The following LMO7 variants were observed in gnomAD, a reference collection of about 807,000 sequenced individuals.
LMO7 encodes the protein LIM domain 7, also known as LIM domain only protein 7.
A neutral mutation model predicts 206.5 loss-of-function variants in LMO7; 120 were observed. That is an observed-to-expected ratio of 0.58 (90% CI 0.50 to 0.68). LMO7 has a LOEUF of 0.68. Among genes scored for constraint, LMO7 ranks in the 30% least tolerant of loss-of-function variants. The probability of loss-of-function intolerance (pLI) is 0.00; values close to 1 mark genes in which losing one functional copy is unlikely to be tolerated. For missense variants in LMO7, 1,959 were observed against 1,957.9 expected (o/e 1.00, Z -0.01); for synonymous variants, 706 against 681.5 (o/e 1.04, Z -0.56).
chr13:75,675,546 TTTTG>T (rs751327232), intron 1 of LMO7, among the ~76,000 whole-genome samples: 1 of 152,218 alleles, frequency 6.6e-6, no homozygotes, highest in Non-Finnish European at 1.5e-5. Context: ...CCTCTTAGCA[TTTTG>T]TTTGTTTTGT....
chr13:75,626,197 TC>T (rs2034047824), intron 2 of LMO7, among the ~76,000 whole-genome samples: 1 of 152,100 alleles, frequency 6.6e-6, no homozygotes. Flanking sequence ...AAACATGAGA[TC>T]TACTGTATTA....
At chr13:75,799,708 G>A (rs2054494387) in intron 6 of LMO7, among the ~76,000 whole-genome samples, 1 of 152,088 alleles carries the variant, frequency 6.6e-6, no homozygotes, top group Non-Finnish European at 1.5e-5. Flanking sequence ...TCATCTGAAA[G>A]TAACATTTCT....
chr13:75,772,783 G>T (rs940899288), intron 4 of LMO7, among the ~76,000 whole-genome samples: 10 of 152,092 alleles, frequency 6.6e-5, no homozygotes, highest in Admixed American at 2.6e-4. Flanking sequence ...GAAGCTATGG[G>T]TAAGAATGTA....
chr13:75,682,773 C>T (rs1304533528), intron 1 of LMO7, among the ~76,000 whole-genome samples: 1 of 152,252 alleles, frequency 6.6e-6, no homozygotes, highest in Non-Finnish European at 1.5e-5. Flanking sequence ...AAAAGCAACG[C>T]ATGTCATATG....
intron 1 of LMO7, among the ~76,000 whole-genome samples, chr13:75,649,405 A>C (rs1031146521): frequency 6.6e-6 from 1 of 152,198 alleles, no homozygotes; most frequent in African/African-American, 2.4e-5. Flanking sequence ...GGAAGCACTG[A>C]TTTTATGAAA....
In LMO7 at chr13:75,842,906, C is replaced by A; in HGVS notation, c.4087C>A (p.Pro1363Thr). The A allele has an allele frequency of 6.3e-7, 1 of 1,595,938 alleles. No individual in the cohort carries two copies. The highest frequency in any genetic ancestry group is 8.6e-7 in the Non-Finnish European group (1 of 1,163,998). Residue 1363 changes from proline to threonine, a missense_variant, in exon 25 of 31, where the codon CCT (proline) becomes ACT (threonine). Transcript: ENST00000377534. ...AGAAGAAGCATCTTCAGGTTTTCTT[C>A]CTGGTGACAGGTATGTAGAGCATGT... ...KTEEASSGFL[P>T]GDRNKSRSTT... is the part of the protein sequence containing the mutation.
At chr13:75,747,842 T>C (rs1235435554) in intron 3 of LMO7, among the ~76,000 whole-genome samples, 1 of 152,168 alleles carries the variant, frequency 6.6e-6, no homozygotes, top group African/African-American at 2.4e-5. Flanking sequence ...TCCTGCATGA[T>C]CCAGGTGGGC....
intron 1 of LMO7, among the ~76,000 whole-genome samples, chr13:75,646,356 C>G (rs1009229599): frequency 3.3e-5 from 5 of 152,170 alleles, no homozygotes; most frequent in Non-Finnish European, 7.3e-5. Context: ...CAAGATTCCT[C>G]TTTAAAAGTG....
intron 1 of LMO7, among the ~76,000 whole-genome samples, chr13:75,645,647 G>A (rs1489446912): frequency 6.6e-6 from 1 of 152,168 alleles, no homozygotes; most frequent in African/African-American, 2.4e-5. Context: ...TATTGCCTCT[G>A]GACCAGTATC....
chr13:75,636,802 C>G, intron 1 of LMO7, 76 bp downstream of exon 1: 2 of 1,383,048 alleles, frequency 1.4e-6, no homozygotes, highest in Non-Finnish European at 2.0e-6. Flanking sequence ...GACTGCAGCC[C>G]CAGTCACTCT....
At chr13:75,818,218 A>G (rs1364717703) in intron 12 of LMO7, among the ~76,000 whole-genome samples, 1 of 152,186 alleles carries the variant, frequency 6.6e-6, no homozygotes, top group Non-Finnish European at 1.5e-5. Context: ...GGGCTTATCT[A>G]TTAGGTTAAA....
intron 7 of LMO7, chr13:75,804,030 G>A: frequency 3.4e-6 from 1 of 295,160 alleles, no homozygotes; most frequent in Non-Finnish European, 6.2e-6. Context: ...AGAAAAAAGG[G>A]GCTCACTAGT....
intron 1 of LMO7, among the ~76,000 whole-genome samples, chr13:75,646,058 C>G (rs1206446172): frequency 1.3e-5 from 2 of 152,214 alleles, no homozygotes; most frequent in African/African-American, 2.4e-5. Context: ...AAGCAAAACT[C>G]TTAGTACTAC....
chr13:75,755,776 A>G (rs2047643370), intron 3 of LMO7, among the ~76,000 whole-genome samples: 1 of 152,148 alleles, frequency 6.6e-6, no homozygotes, highest in African/African-American at 2.4e-5. Flanking sequence ...TCACTTTGTG[A>G]TATTCTCTTC....
At chr13:75,844,915 A>G (rs949380590) in intron 25 of LMO7, among the ~76,000 whole-genome samples, 1 of 152,228 alleles carries the variant, frequency 6.6e-6, no homozygotes, top group African/African-American at 2.4e-5. Flanking sequence ...CTAATGCCCA[A>G]GAAGTTGACA....
chr13:75,777,647 G>GTTT (rs3036339), intron 4 of LMO7, among the ~76,000 whole-genome samples: 2,753 of 132,052 alleles, frequency 0.021, 95 homozygotes, highest in South Asian at 0.071. Flanking sequence ...TTCTTTTCTT[G>GTTT]TTTTTTTTTT....
chr13:75,844,942 T>C (rs1487348574), intron 25 of LMO7, among the ~76,000 whole-genome samples: 1 of 151,364 alleles, frequency 6.6e-6, no homozygotes, highest in Non-Finnish European at 1.5e-5. Context: ...CCCTGGGGAG[T>C]GTGGGGGAAG....
At chr13:75,841,574 A>G in intron 23 of LMO7, 54 bp from the exon 24 acceptor site, 1 of 1,271,904 alleles carries the variant, frequency 7.9e-7, no homozygotes, top group South Asian at 1.4e-5. Context: ...TGTCTATATG[A>G]AATTACGGAA....
intron 15 of LMO7, among the ~76,000 whole-genome samples, chr13:75,830,554 G>C (rs141668979): frequency 2.0e-5 from 3 of 152,144 alleles, no homozygotes; most frequent in Non-Finnish European, 2.9e-5. Context: ...CCTGTGTTCT[G>C]TCCCAAGGAC....
Sources: allele counts gnomAD v4.1 joint callset (sites outside exome capture counted in the v4.1 genomes callset), GRCh38; gene constraint gnomAD v4.1.1; transcripts MANE v1.5; gene names NCBI Gene and HGNC (gene_info 2026-07-23, HGNC 2026-07-21).